PRKG1: variants seen among roughly 807,000 people sequenced by gnomAD.
PRKG1 encodes the protein protein kinase cGMP-dependent 1, also known as cGMP-dependent protein kinase 1.
Under a neutral mutation model 88.1 loss-of-function variants are expected in PRKG1, and 35 were observed. The observed-to-expected ratio is 0.40, with a 90% CI of 0.30 to 0.53. PRKG1 has a LOEUF of 0.53. PRKG1 is among the 20% of genes least tolerant of loss of function. The pLI, the probability that PRKG1 is intolerant of heterozygous loss-of-function variation, is 0.59. For synonymous variants in PRKG1, 303 were observed against 292.5 expected (o/e 1.04, Z -0.37); for missense variants, 540 against 839.8 (o/e 0.64, Z 4.41).
Position 51,765,491 on chromosome 10 carries a change from C to T in PRKG1, c.593-39094C>T, listed in dbSNP as rs572718866. 4.6e-4 allele frequency among the ~76,000 whole-genome samples: 70 copies of T among 152,324 alleles called. 1 individual carries two copies. Among genetic ancestry groups the T allele is most frequent in the Non-Finnish European group, 9.3e-4 (63 of 68,034 alleles). On this transcript the variant is annotated intron_variant, in intron 3 of 17. Transcript: ENST00000373980. Reference sequence around the variant, plus strand: ...ATCTTGCCAAATTAACCTCTCATTGCTGCTTACTACAGTCTCTCTGCATTA... The same window carrying T: ...ATCTTGCCAAATTAACCTCTCATTGTTGCTTACTACAGTCTCTCTGCATTA...
At chr10:51,498,100 T>C (rs1271520982) in intron 3 of PRKG1, among the ~76,000 whole-genome samples, 2 of 152,276 alleles carry the variant, frequency 1.3e-5, no homozygotes, top group Middle Eastern at 3.4e-3. Flanking sequence ...GCTAATCAGT[T>C]TAACAAATAT....
chr10:51,081,247 A>G (rs1176314483), intron 1 of PRKG1, among the ~76,000 whole-genome samples: 1 of 152,214 alleles, frequency 6.6e-6, no homozygotes, highest in African/African-American at 2.4e-5. Context: ...GAAGAAATGC[A>G]TATCGAGGGA....
chr10:52,089,865 A>T (rs1254472854), intron 7 of PRKG1, among the ~76,000 whole-genome samples: 2 of 116,718 alleles, frequency 1.7e-5, no homozygotes, highest in Non-Finnish European at 3.2e-5. Context: ...GCTGGAGTGC[A>T]GTGGAGTGGC....
intron 3 of PRKG1, among the ~76,000 whole-genome samples, chr10:51,762,796 G>A (rs544963140): frequency 6.6e-6 from 1 of 152,094 alleles, no homozygotes; most frequent in Non-Finnish European, 1.5e-5. Context: ...GCCAGCAAAG[G>A]CTACTTTTCT....
chr10:51,165,660 G>A (rs967679889), intron 2 of PRKG1, among the ~76,000 whole-genome samples: 8 of 152,066 alleles, frequency 5.3e-5, no homozygotes, highest in South Asian at 2.1e-4. Flanking sequence ...CATCTCACGT[G>A]CAGTGACACA....
At chr10:52,094,910 A>C (rs2133329891) in intron 7 of PRKG1, among the ~76,000 whole-genome samples, 1 of 152,316 alleles carries the variant, frequency 6.6e-6, no homozygotes, top group South Asian at 2.1e-4. Flanking sequence ...GAGAGGTCAC[A>C]ATTCAGTCAC....
chr10:51,082,671 T>C (rs1844143468), intron 1 of PRKG1, among the ~76,000 whole-genome samples: 1 of 152,112 alleles, frequency 6.6e-6, no homozygotes, highest in Non-Finnish European at 1.5e-5. Context: ...GTTGAATGTC[T>C]CTATTGGCTA....
At chr10:52,061,659 G>C (rs1325755284) in intron 6 of PRKG1, among the ~76,000 whole-genome samples, 4 of 152,024 alleles carry the variant, frequency 2.6e-5, no homozygotes, top group Non-Finnish European at 4.4e-5. Context: ...TATTTATTGA[G>C]TGCTTATTAT....
intron 4 of PRKG1, among the ~76,000 whole-genome samples, chr10:51,845,085 CCT>C (rs1301509612): frequency 6.6e-6 from 1 of 152,124 alleles, no homozygotes; most frequent in Non-Finnish European, 1.5e-5. Context: ...TGGCCAGCTA[CCT>C]CACCTGACCT....
At chr10:52,164,943 A>T (rs1202267452) in intron 9 of PRKG1, among the ~76,000 whole-genome samples, 1 of 152,178 alleles carries the variant, frequency 6.6e-6, no homozygotes, top group African/African-American at 2.4e-5. Flanking sequence ...GCAAATTTCA[A>T]CTGTACAGTT....
At chr10:51,584,499 CAG>C (rs1564561277) in intron 3 of PRKG1, among the ~76,000 whole-genome samples, 1 of 152,026 alleles carries the variant, frequency 6.6e-6, no homozygotes, top group African/African-American at 2.4e-5. Context: ...CAAAGTTCAA[CAG>C]AGTTCCATTC....
At chr10:52,219,711 C>T (rs913580531) in intron 9 of PRKG1, among the ~76,000 whole-genome samples, 2 of 152,132 alleles carry the variant, frequency 1.3e-5, no homozygotes, top group African/African-American at 4.8e-5. Flanking sequence ...GTTAATCACC[C>T]AAGTGAATTT....
chr10:52,283,734 G>T (rs952107845), intron 14 of PRKG1, among the ~76,000 whole-genome samples: 1 of 151,830 alleles, frequency 6.6e-6, no homozygotes, highest in African/African-American at 2.4e-5. Context: ...TGAAAAATTT[G>T]GACAAAGTAG....
intron 4 of PRKG1, among the ~76,000 whole-genome samples, chr10:51,849,995 A>G (rs1236759594): frequency 6.6e-6 from 1 of 152,204 alleles, no homozygotes; most frequent in Non-Finnish European, 1.5e-5. Flanking sequence ...AAAGAGAAAA[A>G]GTTGAACAAT....
intron 3 of PRKG1, among the ~76,000 whole-genome samples, chr10:51,732,011 G>A (rs1043130117): frequency 4.0e-4 from 14 of 35,132 alleles, no homozygotes; most frequent in East Asian, 6.5e-4. Flanking sequence ...CTCCGCCCCC[G>A]TCCCTCCCTC....
chr10:51,269,883 CTATCTTTAAAAAGA>C (rs1839932713), intron 2 of PRKG1, among the ~76,000 whole-genome samples: 1 of 152,152 alleles, frequency 6.6e-6, no homozygotes, highest in South Asian at 2.1e-4. Context: ...GAATCAAATG[CTATCTTTAAAAAGA>C]TAAATGAATA....
intron 1 of PRKG1, among the ~76,000 whole-genome samples, chr10:51,013,972 T>C (rs1363478188): frequency 1.3e-5 from 2 of 152,164 alleles, no homozygotes; most frequent in African/African-American, 4.8e-5. Context: ...CATAATAATA[T>C]GCAGGAAAGA....
chr10:51,941,576 A>G (rs1020511635), intron 5 of PRKG1, among the ~76,000 whole-genome samples: 1 of 151,486 alleles, frequency 6.6e-6, no homozygotes, highest in Non-Finnish European at 1.5e-5. Flanking sequence ...AACATTAGGT[A>G]TATCTCCTAA....
chr10:51,138,857 C>T (rs935748119), intron 1 of PRKG1, among the ~76,000 whole-genome samples: 2 of 150,990 alleles, frequency 1.3e-5, no homozygotes, highest in African/African-American at 2.4e-5. Flanking sequence ...TAATTTTTTA[C>T]ATTTTTAGTA....
Sources: gnomAD v4.1 joint callset for allele counts (sites outside exome capture counted in the v4.1 genomes callset) on GRCh38, gnomAD v4.1.1 for gene constraint, MANE v1.5 for transcripts, NCBI Gene and HGNC (gene_info 2026-07-23, HGNC 2026-07-21) for gene names.